RPL14: variants seen among roughly 807,000 people sequenced by gnomAD.
RPL14 encodes ribosomal protein L14.
In RPL14, 4 loss-of-function variants were observed where a neutral mutation model predicts 25.3. The ratio of observed to expected loss-of-function variants is 0.16; its 90% CI spans 0.08 to 0.36. RPL14 has a LOEUF of 0.36. RPL14 is among the 10% of genes least tolerant of loss of function. RPL14 has a pLI of 1.00. For synonymous variants in RPL14, 75 were observed against 89.8 expected, an observed-to-expected ratio of 0.84 and a Z score of 0.93; for missense variants, 212 against 261.9, an observed-to-expected ratio of 0.81 and a Z score of 1.31.
chr3:40,461,263 T>C, intron 3 of RPL14, 144 bp from the exon 4 acceptor site: 1 of 653,128 alleles, frequency 1.5e-6, no homozygotes, highest in Non-Finnish European at 2.7e-6. Context: ...TATTCTGGCT[T>C]ACTGAACACA....
rs1054327859 is a variant in RPL14 at position 40,467,353 on chromosome 3, G to A, written c.*5121G>A. On this transcript the variant is annotated 3_prime_UTR_variant, in exon 6 of 6. Coordinates refer to ENST00000396203, the MANE Select transcript of RPL14 (RefSeq NM_001034996.3). Reference sequence around the variant, plus strand: ...AGCTGATTGGGATAATTCAAACTGGGTCCAGAGGCCTGAGAACTGGAAGGG... The same window carrying A: ...AGCTGATTGGGATAATTCAAACTGGATCCAGAGGCCTGAGAACTGGAAGGG... 2.6e-5 allele frequency: 4 copies of A among 152,202 alleles called. No individual in the cohort carries two copies. Among genetic ancestry groups the A allele is most frequent in the African/African-American group, 9.7e-5 (4 of 41,442 alleles). The allele number at this position is 152,202 out of a possible 1,614,324, so 9.4% of individuals were successfully genotyped here.
intron 2 of RPL14, 122 bp from the exon 3 acceptor site, chr3:40,458,520 A>C: frequency 1.4e-6 from 1 of 706,212 alleles, no homozygotes; most frequent in South Asian, 1.7e-5. Context: ...TTTTCTGAGC[A>C]ATTTATTAAA....
chr3:40,458,604 TA>T, intron 2 of RPL14, 37 bp from the exon 3 acceptor site: 1 of 1,530,060 alleles, frequency 6.5e-7, no homozygotes, highest in Middle Eastern at 1.7e-4. Context: ...TAATTGCTGT[TA>T]GATTTTGCAC....
intron 2 of RPL14, 72 bp downstream of exon 2, chr3:40,458,063 C>T (rs1575249739): frequency 2.3e-6 from 3 of 1,286,008 alleles, no homozygotes; most frequent in South Asian, 2.4e-5. Flanking sequence ...TGAATTGTCT[C>T]GATGGCTGTG....
chr3:40,464,453 C>T lies in RPL14; in HGVS notation c.*2221C>T, dbSNP rs192125520. On this transcript the variant is annotated 3_prime_UTR_variant, in exon 6 of 6. Transcript: ENST00000396203. Reference sequence around the variant, plus strand: ...TTGTCTAGAGAAAGTGGCATCTATACCTAAAATAAGAAGAAGGTGGTGTAA... The same window carrying T: ...TTGTCTAGAGAAAGTGGCATCTATATCTAAAATAAGAAGAAGGTGGTGTAA... 2 of 455,694 alleles carry T rather than the reference C, an allele frequency of 4.4e-6. No individual in the cohort carries two copies. The highest frequency in any genetic ancestry group is 1.4e-4 in the East Asian group (2 of 14,382). 28.2% of individuals were successfully genotyped at this position (455,694 alleles called of 1,614,324 possible). A position where few individuals can be genotyped will look rare whatever the true frequency, so the allele number is the denominator to read the frequency against.
Position 40,464,586 on chromosome 3 carries a change from G to C in RPL14, c.*2354G>C. 1 of 449,596 alleles carries C rather than the reference G, an allele frequency of 2.2e-6. No individual in the cohort carries two copies. The highest frequency in any genetic ancestry group is 1.6e-5 in the South Asian group (1 of 64,004). The allele number at this position is 449,596 out of a possible 1,614,324, so 27.9% of individuals were successfully genotyped here. A position where few individuals can be genotyped will look rare whatever the true frequency, so the allele number is the denominator to read the frequency against. ...GTGGTTAGATCGTGTAGGGGAACAC[G>C]GGAAGCTACTGAGGGTTTTTTAAAA... On this transcript the variant is annotated 3_prime_UTR_variant, in exon 6 of 6. Coordinates refer to ENST00000396203, the MANE Select transcript of RPL14 (RefSeq NM_001034996.3).
chr3:40,464,742 T>C lies in RPL14; in HGVS notation c.*2510T>C. 3.3e-6 allele frequency: 1 copy of C among 306,912 alleles called. No homozygotes were observed. The highest frequency in any genetic ancestry group is 2.8e-5 in the South Asian group (1 of 35,652). 19.0% of individuals were successfully genotyped at this position (306,912 alleles called of 1,614,324 possible). A position where few individuals can be genotyped will look rare whatever the true frequency, so the allele number is the denominator to read the frequency against. On this transcript the variant is annotated 3_prime_UTR_variant, in exon 6 of 6. Transcript: ENST00000396203. ...AGGAAGTGACAGTGGTAATGCCATT[T>C]AGGTGGTCTTGATCATGCATTGGAC...
In RPL14 at chr3:40,461,475, G is replaced by A. The variant is rs1696935809; in HGVS notation, c.269G>A (p.Arg90Gln). The A allele has an allele frequency of 1.2e-6, 2 of 1,614,090 alleles. No individual in the cohort carries two copies. The highest frequency in any genetic ancestry group is 1.7e-6 in the Non-Finnish European group (2 of 1,180,008). Reference sequence around the variant, plus strand: ...ATCAATACAAAATGGGCAGCCACACGATGGGCCAAGAAGATTGAAGCCAGA... The same window carrying A: ...ATCAATACAAAATGGGCAGCCACACAATGGGCCAAGAAGATTGAAGCCAGA... ...ADINTKWAAT[R>Q]WAKKIEARER... is the part of the protein sequence containing the mutation. The change falls in exon 4 of 6, where the codon CGA becomes CAA. Residue 90 changes from arginine (R) to glutamine (Q), a missense_variant. By Grantham distance (43) the Arg-to-Gln change is conservative (BLOSUM62 1). Transcript: ENST00000396203.
At position 40,462,100 on chromosome 3, in the gene RPL14, G is replaced by T. The variant is rs778015967; in HGVS notation, c.516G>T (p.Lys172Asn). 15 of 1,610,692 alleles carry T rather than the reference G, an allele frequency of 9.3e-6. No individual in the cohort carries two copies. Among genetic ancestry groups the T allele is most frequent in the African/African-American group, 1.3e-5 (1 of 74,632 alleles). The change falls in exon 6 of 6, where the codon AAG (lysine) becomes AAT (asparagine). Residue 172 changes from lysine (K) to asparagine (N), a missense_variant. Transcript: ENST00000396203. Reference sequence around the variant, plus strand: ...AAAAGATCACCGCCGCGAGTAAAAAGGCTCCAGCCCAGAAGGTTCCTGCCC... The same window carrying T: ...AAAAGATCACCGCCGCGAGTAAAAATGCTCCAGCCCAGAAGGTTCCTGCCC... ...PAKKITAASK[K>N]APAQKVPAQK...
Position 40,458,653 on chromosome 3 carries a change from T to C in RPL14, c.117T>C (p.Asp39=), listed in dbSNP as rs973413004. 1.9e-6 allele frequency: 3 copies of C among 1,614,136 alleles called. No individual in the cohort carries two copies. The highest frequency in any genetic ancestry group is 2.2e-5 in the South Asian group (2 of 91,086). ...DVIDQNRALV[D]GPCTQVRRQA... is the part of the protein sequence containing the mutation. ...TGTTTGTGTTCTAGGCTTTGGTCGA[T>C]GGACCTTGCACTCAAGTGAGGAGAC... The change falls in exon 3 of 6, where the codon GAT becomes GAC. Residue 39 remains aspartate, a synonymous_variant. Transcript: ENST00000396203.
Position 40,466,437 on chromosome 3 carries a change from T to G in RPL14, c.*4205T>G, listed in dbSNP as rs986139509. The G allele has an allele frequency of 6.8e-6, 1 of 147,828 alleles. No individual in the cohort carries two copies. Among genetic ancestry groups the G allele is most frequent in the Non-Finnish European group, 1.5e-5 (1 of 67,134 alleles). 9.2% of individuals were successfully genotyped at this position (147,828 alleles called of 1,614,324 possible). On this transcript the variant is annotated 3_prime_UTR_variant, in exon 6 of 6. Transcript: ENST00000396203. The stretch of plus-strand genomic sequence containing the variant: ...GGCTCATGCCTTTAATCCCAGCACT[T>G]TGGGAGGCTGAGGCAGGTGAATCAG...
Position 40,458,681 on chromosome 3 carries a change from G to C in RPL14, c.145G>C (p.Ala49Pro), listed in dbSNP as rs750467711. The C allele has an allele frequency of 3.7e-6, 6 of 1,614,164 alleles. No individual in the cohort carries two copies. In the South Asian group the frequency reaches 6.6e-5, roughly 18 times the overall value. ...ACCTTGCACTCAAGTGAGGAGACAGGCCATGCCTTTCAAGTGCATGCAGCT... is the reference window on the plus strand; with the variant it reads ...ACCTTGCACTCAAGTGAGGAGACAGCCCATGCCTTTCAAGTGCATGCAGCT... ...DGPCTQVRRQ[A>P]MPFKCMQLTD... The change falls in exon 3 of 6, where the codon GCC becomes CCC. Residue 49 changes from alanine to proline, a missense_variant. Transcript: ENST00000396203.
Position 40,462,377 on chromosome 3 carries a change from T to A in RPL14, c.*145T>A. On this transcript the variant is annotated 3_prime_UTR_variant, in exon 6 of 6. Coordinates refer to ENST00000396203, the MANE Select transcript of RPL14 (RefSeq NM_001034996.3). Reference sequence around the variant, plus strand: ...TAAACATTAAATAATCAGTTCCTTTTTTTTTTTTTTTTTTTTTGAGATGGA... The same window carrying A: ...TAAACATTAAATAATCAGTTCCTTTATTTTTTTTTTTTTTTTTGAGATGGA... 3 of 462,864 alleles carry A rather than the reference T, an allele frequency of 6.5e-6. No individual in the cohort carries two copies. Among genetic ancestry groups the A allele is most frequent in the Non-Finnish European group, 6.6e-6 (2 of 301,766 alleles). The allele number at this position is 462,864 out of a possible 1,614,324, so 28.7% of individuals were successfully genotyped here.
intron 3 of RPL14, among the ~76,000 whole-genome samples, chr3:40,460,511 C>A (rs1380769508): frequency 6.7e-6 from 1 of 149,766 alleles, no homozygotes; most frequent in African/African-American, 2.5e-5. Context: ...CAGAGCAAGA[C>A]CCTGTCTCAA....
intron 1 of RPL14, 105 bp from the exon 2 acceptor site, chr3:40,457,785 A>T: frequency 8.6e-7 from 1 of 1,157,542 alleles, no homozygotes; most frequent in Non-Finnish European, 1.3e-6. Flanking sequence ...TCCCTGCAGC[A>T]TTCTTTTTCG....
chr3:40,464,535 C>T lies in RPL14; in HGVS notation c.*2303C>T, dbSNP rs545535860. On this transcript the variant is annotated 3_prime_UTR_variant, in exon 6 of 6. Transcript: ENST00000396203. ...GAACTGATAGTGTAGAGGACTGGCT[C>T]GGGACCACATCAAGGAAGTAGGTTA... is the stretch of plus-strand genomic sequence containing the variant. 7.0e-5 allele frequency: 32 copies of T among 455,760 alleles called. No homozygotes were observed. Among genetic ancestry groups the T allele is most frequent in the East Asian group, 2.8e-4 (4 of 14,412 alleles). 28.2% of individuals were successfully genotyped at this position (455,760 alleles called of 1,614,324 possible). A position where few individuals can be genotyped will look rare whatever the true frequency, so the allele number is the denominator to read the frequency against.
rs1179419097 is a variant in RPL14, at chr3:40,467,987, A to G, written c.*5755A>G. 2 of 151,994 alleles carry G rather than the reference A, an allele frequency of 1.3e-5. No individual in the cohort carries two copies. The highest frequency in any genetic ancestry group is 2.9e-5 in the Non-Finnish European group (2 of 68,024). 9.4% of individuals were successfully genotyped at this position (151,994 alleles called of 1,614,324 possible). On this transcript the variant is annotated 3_prime_UTR_variant, in exon 6 of 6. Transcript: ENST00000396203. ...AGGAGTGTGCCACCACACCTGGCTA[A>G]TGTTTGTATTGTTAGTAGATACAGG...
At chr3:40,458,916 C>G (rs773032125) in intron 3 of RPL14, 180 bp downstream of exon 3, 3 of 583,882 alleles carry the variant, frequency 5.1e-6, no homozygotes, top group Non-Finnish European at 9.2e-6. Context: ...TAGCTCATGC[C>G]TGTAATCCCA....
Position 40,462,373 on chromosome 3 carries a change from C to CTG in RPL14, c.*142_*143insGT. The CTG allele has an allele frequency of 4.0e-5, 13 of 329,064 alleles. No homozygotes were observed. The highest frequency in any genetic ancestry group is 8.6e-4 in the Middle Eastern group (1 of 1,166). 20.4% of individuals were successfully genotyped at this position (329,064 alleles called of 1,614,324 possible). On this transcript the variant is annotated 3_prime_UTR_variant, in exon 6 of 6. Coordinates refer to ENST00000396203, the MANE Select transcript of RPL14 (RefSeq NM_001034996.3). ...ATAATAAACATTAAATAATCAGTTCCTTTTTTTTTTTTTTTTTTTTTGAGA... is the reference window on the plus strand; with the variant it reads ...ATAATAAACATTAAATAATCAGTTCCTGTTTTTTTTTTTTTTTTTTTTTGAGA...
Sources: gnomAD v4.1 joint callset for allele counts (sites outside exome capture counted in the v4.1 genomes callset) on GRCh38, gnomAD v4.1.1 for gene constraint, MANE v1.5 for transcripts, NCBI Gene and HGNC (gene_info 2026-07-23, HGNC 2026-07-21) for gene names.